Variants in CDH13 observed in about 807,000 individuals in gnomAD.
CDH13 encodes the protein cadherin-13.
In CDH13, 24 loss-of-function variants were observed where a neutral mutation model predicts 63.8. The ratio of observed to expected loss-of-function variants is 0.38; its 90% confidence interval spans 0.27 to 0.53. The LOEUF (loss-of-function observed/expected upper bound fraction) is 0.53. Ranked by LOEUF, CDH13 falls within the 20% of genes least tolerant of loss-of-function variation. The pLI is 0.85. For missense variants in CDH13, 1,049 were observed against 903.1 expected, an observed-to-expected ratio of 1.16 and a Z score of -2.07; for synonymous variants, 503 against 355.3, an observed-to-expected ratio of 1.42 and a Z score of -4.67.
intron 1 of CDH13, among the ~76,000 whole-genome samples, chr16:82,696,556 G>A (rs1290300441): frequency 6.6e-6 from 1 of 152,148 alleles, no homozygotes; most frequent in Non-Finnish European, 1.5e-5. Context: ...ATTGATTCAG[G>A]TGATAGAAAC....
chr16:83,201,439 A>T (rs148242855), intron 4 of CDH13, among the ~76,000 whole-genome samples: 1 of 149,888 alleles, frequency 6.7e-6, no homozygotes, highest in African/African-American at 2.5e-5. Flanking sequence ...CTCTGCAAAG[A>T]GATGAGTATA....
At chr16:83,008,792 C>T (rs1044171140) in intron 2 of CDH13, among the ~76,000 whole-genome samples, 2 of 152,146 alleles carry the variant, frequency 1.3e-5, no homozygotes, top group Non-Finnish European at 2.9e-5. Flanking sequence ...CTATATTAGT[C>T]CATTCTGACA....
At chr16:82,764,852 T>C (rs547728640) in intron 1 of CDH13, among the ~76,000 whole-genome samples, 1 of 151,546 alleles carries the variant, frequency 6.6e-6, no homozygotes, top group African/African-American at 2.4e-5. Flanking sequence ...TTCACTCTTG[T>C]CATCCAGTCT....
intron 1 of CDH13, among the ~76,000 whole-genome samples, chr16:82,791,594 A>G (rs1597594627): frequency 6.6e-6 from 1 of 152,162 alleles, no homozygotes; most frequent in African/African-American, 2.4e-5. Flanking sequence ...GCTTTCGCTC[A>G]CCATCCACCA....
At chr16:83,058,633 T>A (rs1021163309) in intron 3 of CDH13, among the ~76,000 whole-genome samples, 1 of 152,196 alleles carries the variant, frequency 6.6e-6, no homozygotes, top group Non-Finnish European at 1.5e-5. Flanking sequence ...ACATTAATGA[T>A]GTTCCCATAC....
chr16:83,333,085 C>T (rs1274349879), intron 5 of CDH13, among the ~76,000 whole-genome samples: 1 of 152,008 alleles, frequency 6.6e-6, no homozygotes, highest in Non-Finnish European at 1.5e-5. Context: ...ATATAAACAC[C>T]ACATCCAGTC....
At chr16:83,091,914 C>G (rs1030733845) in intron 3 of CDH13, among the ~76,000 whole-genome samples, 1 of 152,192 alleles carries the variant, frequency 6.6e-6, no homozygotes, top group Non-Finnish European at 1.5e-5. Context: ...ATAAATGTAT[C>G]TTTCACACCT....
At chr16:83,249,434 C>A (rs1453306967) in intron 5 of CDH13, among the ~76,000 whole-genome samples, 1 of 152,186 alleles carries the variant, frequency 6.6e-6, no homozygotes, top group African/African-American at 2.4e-5. Context: ...ACTGCCCCAC[C>A]ACACCCATTA....
At chr16:82,635,772 A>G (rs1458106261) in intron 1 of CDH13, among the ~76,000 whole-genome samples, 1 of 152,058 alleles carries the variant, frequency 6.6e-6, no homozygotes, top group Non-Finnish European at 1.5e-5. Context: ...TGTAATCCCT[A>G]ATGTTGGAGG....
intron 1 of CDH13, among the ~76,000 whole-genome samples, chr16:82,666,156 T>C (rs907564609): frequency 6.6e-6 from 1 of 152,164 alleles, no homozygotes; most frequent in Non-Finnish European, 1.5e-5. Context: ...CCAAAAAATA[T>C]AGCTGCTGGG....
chr16:82,677,163 T>G (rs993309238), intron 1 of CDH13, among the ~76,000 whole-genome samples: 1 of 152,304 alleles, frequency 6.6e-6, no homozygotes, highest in East Asian at 1.9e-4. Context: ...ATTATAGGAG[T>G]GAGCCACTGC....
intron 7 of CDH13, 95 bp downstream of exon 7, chr16:83,486,750 A>G (rs1187717138): frequency 8.6e-7 from 1 of 1,156,570 alleles, no homozygotes; most frequent in Non-Finnish European, 1.3e-6. Flanking sequence ...GTTTTTTTTA[A>G]TACTGTAAAG....
At chr16:83,669,756 C>T (rs750894942) in intron 8 of CDH13, among the ~76,000 whole-genome samples, 5 of 152,226 alleles carry the variant, frequency 3.3e-5, no homozygotes, top group Non-Finnish European at 5.9e-5. Flanking sequence ...TCTTTGAACA[C>T]AAGGGCTTTT....
chr16:83,263,952 C>A (rs1477615980), intron 5 of CDH13, among the ~76,000 whole-genome samples: 1 of 152,190 alleles, frequency 6.6e-6, no homozygotes, highest in African/African-American at 2.4e-5. Context: ...TTTAACACTT[C>A]AGAAAATTTT....
intron 2 of CDH13, among the ~76,000 whole-genome samples, chr16:83,012,135 C>A (rs1160524502): frequency 6.6e-6 from 1 of 152,070 alleles, no homozygotes; most frequent in Non-Finnish European, 1.5e-5. Flanking sequence ...AGAAAACTAT[C>A]CAAGAATAAC....
chr16:82,785,386 G>C (rs1328672075), intron 1 of CDH13, among the ~76,000 whole-genome samples: 1 of 152,132 alleles, frequency 6.6e-6, no homozygotes, highest in Non-Finnish European at 1.5e-5. Flanking sequence ...TTAATAAAAT[G>C]CAGCTCTTTA....
intron 2 of CDH13, among the ~76,000 whole-genome samples, chr16:82,901,718 T>C (rs1417052479): frequency 1.3e-5 from 2 of 152,224 alleles, no homozygotes; most frequent in Non-Finnish European, 2.9e-5. Flanking sequence ...CTAGGTATAA[T>C]GTATTACATA....
chr16:83,097,342 A>G (rs1015318009), intron 3 of CDH13, among the ~76,000 whole-genome samples: 1 of 152,230 alleles, frequency 6.6e-6, no homozygotes, highest in Non-Finnish European at 1.5e-5. Context: ...TATTCCTTAA[A>G]AAGACCTAAG....
At chr16:83,740,475 C>T (rs907913401) in intron 10 of CDH13, among the ~76,000 whole-genome samples, 2 of 152,136 alleles carry the variant, frequency 1.3e-5, no homozygotes, top group Admixed American at 1.3e-4. Context: ...CCTCGGTCCA[C>T]TGCATGTGTG....
Sources: gnomAD v4.1 joint callset for allele counts (sites outside exome capture counted in the v4.1 genomes callset) on GRCh38, gnomAD v4.1.1 for gene constraint, MANE v1.5 for transcripts, NCBI Gene and HGNC (gene_info 2026-07-23, HGNC 2026-07-21) for gene names.